The following QTMAN variants were observed in gnomAD, a reference collection of about 807,000 sequenced individuals.
The protein encoded by QTMAN is tRNA-queuosine alpha-mannosyltransferase.
At chr2:144,074,787 A>T in the QTMAN span, among the ~76,000 whole-genome samples, 1 of 152,210 alleles carries the variant, frequency 6.6e-6, no homozygotes, top group Non-Finnish European at 1.5e-5. Context: ...TTATATCCAG[A>T]GTATTAGTAA....
the QTMAN span, among the ~76,000 whole-genome samples, chr2:144,291,789 T>C: frequency 2.0e-5 from 3 of 152,204 alleles, no homozygotes; most frequent in Admixed American, 2.0e-4. Flanking sequence ...TTTTCAGTCC[T>C]ATTTTTACTA....
chr2:144,234,529 T>C, the QTMAN span, among the ~76,000 whole-genome samples: 1 of 152,154 alleles, frequency 6.6e-6, no homozygotes, highest in African/African-American at 2.4e-5. Flanking sequence ...CTAGAAGCAG[T>C]ATGCTTCTCC....
At chr2:144,019,436 G>GT in the QTMAN span, among the ~76,000 whole-genome samples, 8 of 4,812 alleles carry the variant, frequency 1.7e-3, no homozygotes, top group African/African-American at 4.3e-3. Flanking sequence ...AAGCATGCAG[G>GT]TGTGTGTGTG....
chr2:144,126,985 T>C, the QTMAN span, among the ~76,000 whole-genome samples: 1 of 152,138 alleles, frequency 6.6e-6, no homozygotes, highest in African/African-American at 2.4e-5. Flanking sequence ...TTCTGACAAA[T>C]ACATCTAAGA....
chr2:143,952,831 C>A, the QTMAN span: 2 of 1,605,472 alleles, frequency 1.2e-6, no homozygotes, highest in East Asian at 4.5e-5. Context: ...ACCCACAGTA[C>A]ACAGCTTCCA....
chr2:144,088,433 A>C, the QTMAN span, among the ~76,000 whole-genome samples: 1 of 152,094 alleles, frequency 6.6e-6, no homozygotes, highest in Non-Finnish European at 1.5e-5. Flanking sequence ...TCCCTATCCA[A>C]ATACCAATGT....
At chr2:144,078,050 C>T in the QTMAN span, among the ~76,000 whole-genome samples, 3 of 152,114 alleles carry the variant, frequency 2.0e-5, no homozygotes, top group Non-Finnish European at 2.9e-5. Flanking sequence ...CACAATTTGG[C>T]ACTTTAAATT....
At chr2:144,022,314 G>C in the QTMAN span, among the ~76,000 whole-genome samples, 1 of 150,212 alleles carries the variant, frequency 6.7e-6, no homozygotes, top group Non-Finnish European at 1.5e-5. Flanking sequence ...ATATATGATG[G>C]GGTCTTACTC....
chr2:143,998,102 G>A, the QTMAN span, among the ~76,000 whole-genome samples: 99 of 152,078 alleles, frequency 6.5e-4, 3 homozygotes, highest in South Asian at 0.019. Context: ...TCTTTTGGAG[G>A]AAACTGCCTT....
At chr2:144,176,982 A>G in the QTMAN span, among the ~76,000 whole-genome samples, 2 of 152,144 alleles carry the variant, frequency 1.3e-5, no homozygotes, top group African/African-American at 4.8e-5. Flanking sequence ...GGAAGCAGGT[A>G]TGTCTTACAT....
the QTMAN span, among the ~76,000 whole-genome samples, chr2:144,270,644 G>T: frequency 6.6e-6 from 1 of 151,058 alleles, no homozygotes; most frequent in Non-Finnish European, 1.5e-5. Flanking sequence ...TCACATACTG[G>T]GGCCTGCCGG....
At chr2:144,252,772 A>T in the QTMAN span, among the ~76,000 whole-genome samples, 2 of 152,200 alleles carry the variant, frequency 1.3e-5, no homozygotes, top group Non-Finnish European at 2.9e-5. Flanking sequence ...TAGAAAACTT[A>T]CATACATGCA....
chr2:144,252,042 T>C, the QTMAN span, among the ~76,000 whole-genome samples: 1 of 151,890 alleles, frequency 6.6e-6, no homozygotes, highest in Admixed American at 6.6e-5. Context: ...TGTTTTTTTT[T>C]TAATGTGTAA....
chr2:144,117,585 G>A, the QTMAN span, among the ~76,000 whole-genome samples: 11 of 152,122 alleles, frequency 7.2e-5, no homozygotes, highest in Non-Finnish European at 1.3e-4. Context: ...ACTAAAGTTT[G>A]AGTGATAAAC....
chr2:144,143,645 A>T, the QTMAN span, among the ~76,000 whole-genome samples: 14 of 151,998 alleles, frequency 9.2e-5, no homozygotes, highest in Non-Finnish European at 2.1e-4. Flanking sequence ...GTGCTGACAC[A>T]ACACTAAGCA....
the QTMAN span, among the ~76,000 whole-genome samples, chr2:144,114,497 G>A: frequency 1.2e-4 from 19 of 152,248 alleles, no homozygotes; most frequent in African/African-American, 4.3e-4. Context: ...AATATAAACT[G>A]TAATTTAATG....
At chr2:144,305,347 G>A in the QTMAN span, among the ~76,000 whole-genome samples, 11 of 152,132 alleles carry the variant, frequency 7.2e-5, no homozygotes, top group Admixed American at 3.3e-4. Context: ...AGCACCATCT[G>A]TTGAAAAGAC....
the QTMAN span, among the ~76,000 whole-genome samples, chr2:144,247,519 G>T: frequency 2.0e-5 from 3 of 152,062 alleles, no homozygotes; most frequent in Non-Finnish European, 4.4e-5. Flanking sequence ...GTGTAATAGT[G>T]AAAAATCTTC....
chr2:144,017,785 A>T, the QTMAN span, among the ~76,000 whole-genome samples: 2 of 152,180 alleles, frequency 1.3e-5, no homozygotes, highest in African/African-American at 2.4e-5. Flanking sequence ...TTACTAGAGA[A>T]ACATTCAACA....
Sources: allele counts gnomAD v4.1 joint callset (sites outside exome capture counted in the v4.1 genomes callset), GRCh38; gene constraint gnomAD v4.1.1; transcripts MANE v1.5; gene names NCBI Gene and HGNC (gene_info 2026-07-23, HGNC 2026-07-21).